The following MECOM variants were observed in gnomAD, a reference collection of about 807,000 sequenced individuals.
MECOM encodes the protein MDS1 and EVI1 complex locus.
A neutral mutation model predicts 116.3 loss-of-function variants in MECOM; 13 were observed. The ratio of observed to expected loss-of-function variants is 0.11; its 90% CI spans 0.07 to 0.18. MECOM has a LOEUF of 0.18. Among genes scored for constraint, MECOM ranks in the 10% least tolerant of loss-of-function variants. MECOM has a pLI of 1.00. For synonymous variants in MECOM, 528 were observed against 535.2 expected (o/e 0.99, Z 0.19); for missense variants, 1,299 against 1,509.0 (o/e 0.86, Z 2.31).
intron 1 of MECOM, among the ~76,000 whole-genome samples, chr3:169,659,945 C>T (rs1776064167): frequency 1.3e-5 from 2 of 152,140 alleles, no homozygotes; most frequent in Admixed American, 1.3e-4. Context: ...ATCGCATCGC[C>T]TTTTGAGACT....
intron 1 of MECOM, among the ~76,000 whole-genome samples, chr3:169,586,319 C>A (rs1053605974): frequency 1.3e-5 from 2 of 152,290 alleles, no homozygotes; most frequent in East Asian, 3.9e-4. Context: ...TTTTCCCATA[C>A]CTTTATATTT....
At chr3:169,176,672 G>C in intron 2 of MECOM, among the ~76,000 whole-genome samples, 1 of 152,080 alleles carries the variant, frequency 6.6e-6, no homozygotes, top group East Asian at 1.9e-4. Context: ...TCATCAGAGT[G>C]AACAGGCAAC....
chr3:169,441,954 C>G (rs1743802348), intron 1 of MECOM, among the ~76,000 whole-genome samples: 1 of 151,594 alleles, frequency 6.6e-6, no homozygotes, highest in Non-Finnish European at 1.5e-5. Context: ...GAGATGGAGT[C>G]TCTCTCTGTT....
intron 10 of MECOM, among the ~76,000 whole-genome samples, 180 bp from the exon 11 acceptor site, chr3:169,102,406 A>G (rs1401532151): frequency 6.6e-6 from 1 of 152,244 alleles, no homozygotes; most frequent in Non-Finnish European, 1.5e-5. Context: ...GGGAAATACC[A>G]TAAGTAGAAC....
intron 2 of MECOM, among the ~76,000 whole-genome samples, chr3:169,219,380 G>A (rs1362550086): frequency 1.3e-5 from 2 of 152,222 alleles, no homozygotes; most frequent in East Asian, 3.9e-4. Context: ...GGTGGTGGGC[G>A]CCTGTAGTCC....
chr3:169,114,481 T>C (rs1227958795), intron 8 of MECOM, among the ~76,000 whole-genome samples: 1 of 152,174 alleles, frequency 6.6e-6, no homozygotes, highest in Admixed American at 6.5e-5. Context: ...AATTAAATAA[T>C]AGCACATTTT....
intron 1 of MECOM, among the ~76,000 whole-genome samples, chr3:169,395,873 C>T (rs1430701342): frequency 1.3e-5 from 2 of 152,110 alleles, no homozygotes. Flanking sequence ...TCACTGGTGC[C>T]TTTGCAGCAC....
chr3:169,650,727 G>A (rs887354113), intron 1 of MECOM, among the ~76,000 whole-genome samples: 1 of 151,900 alleles, frequency 6.6e-6, no homozygotes, highest in African/African-American at 2.4e-5. Context: ...GTGTCTCAGA[G>A]GCCAGCACAC....
intron 2 of MECOM, among the ~76,000 whole-genome samples, chr3:169,367,673 C>T (rs1485739173): frequency 2.0e-5 from 3 of 151,976 alleles, no homozygotes; most frequent in Non-Finnish European, 4.4e-5. Context: ...TTTTCTGTAT[C>T]TTCAGCAGCA....
At chr3:169,483,214 T>A (rs200335084) in intron 1 of MECOM, among the ~76,000 whole-genome samples, 10,668 of 150,712 alleles carry the variant, frequency 0.071, 689 homozygotes, top group East Asian at 0.25. Context: ...TTTTTTTTTT[T>A]TTTTGCCCAG....
At chr3:169,149,866 A>G (rs1318457058) in intron 2 of MECOM, 4 of 322,930 alleles carry the variant, frequency 1.2e-5, no homozygotes, top group Non-Finnish European at 2.5e-5. Flanking sequence ...AGACTAAAGG[A>G]AATCATCAGA....
chr3:169,150,275 A>G (rs1564357), intron 2 of MECOM, among the ~76,000 whole-genome samples: 1,822 of 152,322 alleles, frequency 0.012, 23 homozygotes, highest in East Asian at 0.04. Context: ...GGATTTTGCA[A>G]GGGGCTTGCT....
At chr3:169,567,112 A>C (rs1232157511) in intron 1 of MECOM, among the ~76,000 whole-genome samples, 2 of 152,092 alleles carry the variant, frequency 1.3e-5, no homozygotes, top group African/African-American at 4.8e-5. Flanking sequence ...AATGTGAATC[A>C]GAAGTGGACA....
chr3:169,659,519 A>G (rs959581750), intron 1 of MECOM, among the ~76,000 whole-genome samples: 22 of 137,026 alleles, frequency 1.6e-4, no homozygotes, highest in South Asian at 4.5e-4. Context: ...TCCAAGTGCC[A>G]AATGCAATAA....
intron 1 of MECOM, among the ~76,000 whole-genome samples, chr3:169,620,993 CA>C (rs1404270547): frequency 2.0e-5 from 3 of 152,170 alleles, no homozygotes; most frequent in African/African-American, 7.2e-5. Flanking sequence ...TTAAGAAAGT[CA>C]CTTTACCTCT....
intron 1 of MECOM, among the ~76,000 whole-genome samples, chr3:169,453,676 T>C (rs1380682665): frequency 2.6e-5 from 4 of 152,216 alleles, no homozygotes; most frequent in African/African-American, 7.2e-5. Context: ...AGGAAGCATA[T>C]GGCAGGACAC....
At chr3:169,323,593 A>G (rs752222515) in intron 2 of MECOM, among the ~76,000 whole-genome samples, 8 of 152,170 alleles carry the variant, frequency 5.3e-5, no homozygotes, top group Non-Finnish European at 7.4e-5. Flanking sequence ...GTTTTTCAGT[A>G]AAAGAACATG....
intron 2 of MECOM, among the ~76,000 whole-genome samples, chr3:169,263,894 A>G (rs918143313): frequency 6.6e-6 from 1 of 152,162 alleles, no homozygotes; most frequent in African/African-American, 2.4e-5. Context: ...GTATGTTGGT[A>G]GAAAGATAAC....
chr3:169,658,011 TC>T (rs1286465866), intron 1 of MECOM, among the ~76,000 whole-genome samples: 2 of 152,212 alleles, frequency 1.3e-5, no homozygotes, highest in East Asian at 3.8e-4. Flanking sequence ...CTCCTCTTTA[TC>T]CTCTTCCTTA....
Sources: gnomAD v4.1 joint callset for allele counts (sites outside exome capture counted in the v4.1 genomes callset) on GRCh38, gnomAD v4.1.1 for gene constraint, MANE v1.5 for transcripts, NCBI Gene and HGNC (gene_info 2026-07-23, HGNC 2026-07-21) for gene names.